ICE2: variants seen among roughly 807,000 people sequenced by gnomAD.
The protein encoded by ICE2 is interactor of little elongation complex ELL subunit 2, also known as little elongation complex subunit 2.
Under a neutral mutation model 105.4 loss-of-function variants are expected in ICE2, and 87 were observed. The ratio of observed to expected loss-of-function variants is 0.83; its 90% CI spans 0.69 to 0.99. ICE2 has a LOEUF of 0.99. Ranked by LOEUF, ICE2 falls within the 50% of genes least tolerant of loss-of-function variation. The pLI is 0.00. For missense variants in ICE2, 1,323 were observed against 1,146.7 expected, an observed-to-expected ratio of 1.15 and a Z score of -2.22; for synonymous variants, 399 against 392.0, an observed-to-expected ratio of 1.02 and a Z score of -0.21.
At chr15:60,464,666 T>A (rs2064371914) in intron 5 of ICE2, among the ~76,000 whole-genome samples, 1 of 151,808 alleles carries the variant, frequency 6.6e-6, no homozygotes, top group South Asian at 2.1e-4. Flanking sequence ...ATAGGGCAAT[T>A]TGTAGAAAGT....
At chr15:60,454,954 T>G (rs1435787535) in intron 8 of ICE2, 49 bp downstream of exon 8, 2 of 1,478,652 alleles carry the variant, frequency 1.4e-6, no homozygotes, top group Admixed American at 4.9e-5. Context: ...GAACATGCAG[T>G]CCAACTTCTC....
chr15:60,468,783 C>A (rs1259215224), intron 3 of ICE2, among the ~76,000 whole-genome samples: 3 of 152,152 alleles, frequency 2.0e-5, no homozygotes, highest in Non-Finnish European at 4.4e-5. Context: ...CACTGAGATT[C>A]TAAATGTTCT....
chr15:60,451,928 C>A (rs2063976339), intron 9 of ICE2: 1 of 290,128 alleles, frequency 3.4e-6, no homozygotes, highest in Non-Finnish European at 5.1e-6. Flanking sequence ...CTCAGCCCTA[C>A]AATTCCTCAC....
Position 60,451,613 on chromosome 15 carries a change from C to T in ICE2, c.1126-1772G>A, listed in dbSNP as rs529269211. Reference sequence around the variant, plus strand: ...ATTATCATCCTCTCATTTTTACTTACTTTTACCTGCACAATCCAGAAAAAG... The same window carrying T: ...ATTATCATCCTCTCATTTTTACTTATTTTTACCTGCACAATCCAGAAAAAG... On this transcript the variant is annotated intron_variant, in intron 9 of 15. Coordinates refer to ENST00000261520, the MANE Select transcript of ICE2 (RefSeq NM_024611.6). The T allele has an allele frequency of 4.0e-5, 39 of 984,990 alleles. 1 individual carries two copies. The South Asian group carries it at 6.6e-4, about 17-fold the overall frequency. The allele number at this position is 984,990 out of a possible 1,614,324, so 61.0% of individuals were successfully genotyped here.
At chr15:60,439,076 TC>T in intron 12 of ICE2, 1 of 152,352 alleles carries the variant, frequency 6.6e-6, no homozygotes, top group East Asian at 1.9e-4. Context: ...AGGTAGGTAC[TC>T]CTTGCTTTGC....
At chr15:60,461,784 C>A (rs997491363) in intron 5 of ICE2, among the ~76,000 whole-genome samples, 2 of 152,130 alleles carry the variant, frequency 1.3e-5, no homozygotes, top group African/African-American at 4.8e-5. Flanking sequence ...ATCCATAGTG[C>A]CCAGATTGTA....
intron 3 of ICE2, among the ~76,000 whole-genome samples, chr15:60,473,790 T>C (rs1411693459): frequency 2.6e-5 from 4 of 152,236 alleles, no homozygotes; most frequent in African/African-American, 9.6e-5. Flanking sequence ...TGTACATACA[T>C]AGGGAGTCTA....
At chr15:60,454,521 T>C (rs751713479) in intron 8 of ICE2, among the ~76,000 whole-genome samples, 10 of 152,304 alleles carry the variant, frequency 6.6e-5, no homozygotes, top group African/African-American at 1.4e-4. Context: ...ACAGGTGCTA[T>C]AGACCTAATT....
intron 3 of ICE2, among the ~76,000 whole-genome samples, chr15:60,468,708 T>C (rs533847024): frequency 6.6e-6 from 1 of 152,338 alleles, no homozygotes; most frequent in Admixed American, 6.5e-5. Context: ...TATCAGTTAA[T>C]ATGGTGAATA....
chr15:60,428,393 AACCT>A (rs766753097), intron 15 of ICE2, 32 bp downstream of exon 15: 7 of 1,590,406 alleles, frequency 4.4e-6, no homozygotes, highest in Non-Finnish European at 5.1e-6. Context: ...AATAATAAAC[AACCT>A]AATGAACCTT....
At chr15:60,469,143 T>C (rs951458178) in intron 3 of ICE2, among the ~76,000 whole-genome samples, 4 of 152,202 alleles carry the variant, frequency 2.6e-5, no homozygotes, top group Non-Finnish European at 5.9e-5. Flanking sequence ...TCATGTCCTT[T>C]GCAGGGGCAC....
In ICE2 at chr15:60,478,196, C is replaced by T. The variant is rs2064821671; in HGVS notation, c.-92-127G>A. The T allele has an allele frequency of 7.0e-6, 4 of 573,180 alleles. No individual in the cohort carries two copies. The Admixed American group carries it at 9.1e-5, about 13-fold the overall frequency. 35.5% of individuals were successfully genotyped at this position (573,180 alleles called of 1,614,324 possible). ...CTGTGGCACCTAAAACAGAATACAGCAGACCCAAGGTTCTTTGTAGCAGAG... is the reference window on the plus strand; with the variant it reads ...CTGTGGCACCTAAAACAGAATACAGTAGACCCAAGGTTCTTTGTAGCAGAG... On this transcript the variant is annotated intron_variant, in intron 1 of 15. Transcript: ENST00000261520.
chr15:60,469,977 A>G (rs760031384), intron 3 of ICE2, among the ~76,000 whole-genome samples: 5 of 152,218 alleles, frequency 3.3e-5, no homozygotes, highest in African/African-American at 7.2e-5. Flanking sequence ...CCTGTACACT[A>G]TAACTTCCAC....
intron 5 of ICE2, among the ~76,000 whole-genome samples, chr15:60,463,360 G>A (rs1426554920): frequency 6.6e-6 from 1 of 152,078 alleles, no homozygotes; most frequent in African/African-American, 2.4e-5. Flanking sequence ...TAATATAATG[G>A]AAAAATGGAC....
chr15:60,456,802 A>G lies in ICE2; in HGVS notation c.529-8T>C, dbSNP rs756643520. 6.9e-6 allele frequency: 10 copies of G among 1,453,590 alleles called. No individual in the cohort carries two copies. The Admixed American group carries it at 1.8e-4, about 26-fold the overall frequency. The allele number at this position is 1,453,590 out of a possible 1,614,324, so 90.0% of individuals were successfully genotyped here. On this transcript the variant is annotated splice_region_variant and splice_polypyrimidine_tract_variant and intron_variant, in intron 5 of 15. Transcript: ENST00000261520. ...GCAAGCTCTTAAAATTTTCTGAGAA[A>G]CAGAAATTAAGAAAAATTCATTTGT...
At chr15:60,457,085 A>C (rs2064147666) in intron 5 of ICE2, among the ~76,000 whole-genome samples, 1 of 152,192 alleles carries the variant, frequency 6.6e-6, no homozygotes, top group African/African-American at 2.4e-5. Flanking sequence ...GAAAATTTCA[A>C]CACACTTTTC....
intron 5 of ICE2, among the ~76,000 whole-genome samples, chr15:60,462,010 TTAA>T (rs1431646275): frequency 6.6e-6 from 1 of 152,158 alleles, no homozygotes; most frequent in East Asian, 1.9e-4. Flanking sequence ...ACTCCATGAT[TTAA>T]TAATAACATT....
Position 60,421,884 on chromosome 15 carries a change from C to A in ICE2, c.*1750G>T, listed in dbSNP as rs1482762537. On this transcript the variant is annotated 3_prime_UTR_variant, in exon 16 of 16. Transcript: ENST00000261520. Reference sequence around the variant, plus strand: ...CAAATAACTTAAAAATGTTTTATAACAAAAAATCAAAATGAAACAAAACTT... The same window carrying A: ...CAAATAACTTAAAAATGTTTTATAAAAAAAAATCAAAATGAAACAAAACTT... The A allele has an allele frequency of 6.6e-6, 1 of 151,910 alleles. No homozygotes were observed. 9.4% of individuals were successfully genotyped at this position (151,910 alleles called of 1,614,324 possible).
chr15:60,468,300 C>T lies in ICE2; in HGVS notation c.169G>A (p.Ala57Thr). The change falls in exon 4 of 16, where the codon GCC (alanine) becomes ACC (threonine). Residue 57 changes from alanine to threonine, a missense_variant. Transcript: ENST00000261520. ...SNRRIGENLN[A>T]SASSVENEPA... ...TCATTTTCTACAGAACTTGCTGAGG[C>T]ATTCAAATTTTCTCCTATACGTCTG... 6.2e-7 allele frequency: 1 copy of T among 1,607,216 alleles called. No individual in the cohort carries two copies. Among genetic ancestry groups the T allele is most frequent in the Non-Finnish European group, 8.5e-7 (1 of 1,174,718 alleles).
Sources: allele counts gnomAD v4.1 joint callset (sites outside exome capture counted in the v4.1 genomes callset), GRCh38; gene constraint gnomAD v4.1.1; transcripts MANE v1.5; gene names NCBI Gene and HGNC (gene_info 2026-07-23, HGNC 2026-07-21).